ZFYVE28: variants seen among roughly 807,000 people sequenced by gnomAD.
ZFYVE28 encodes the protein zinc finger FYVE-type containing 28.
ZFYVE28 carries 40 observed loss-of-function variants against 82.1 expected under a neutral mutation model. The observed-to-expected ratio is 0.49, with a 90% CI of 0.38 to 0.63. The LOEUF (loss-of-function observed/expected upper bound fraction) is 0.63, where lower values mean the gene tolerates loss of function less well. Ranked by LOEUF, ZFYVE28 falls within the 30% of genes least tolerant of loss-of-function variation. The pLI, the probability that ZFYVE28 is intolerant of heterozygous loss-of-function variation, is 0.00. For synonymous variants in ZFYVE28, 612 were observed against 546.1 expected (o/e 1.12, Z -1.68); for missense variants, 1,321 against 1,242.1 (o/e 1.06, Z -0.96).
intron 1 of ZFYVE28, among the ~76,000 whole-genome samples, chr4:2,358,943 A>C (rs1321181372): frequency 2.7e-5 from 4 of 150,480 alleles, no homozygotes; most frequent in Non-Finnish European, 4.4e-5. Context: ...CTAGGAAGAC[A>C]GGTGGGTGCC....
chr4:2,371,986 C>A (rs977819594), intron 1 of ZFYVE28, among the ~76,000 whole-genome samples: 1 of 152,196 alleles, frequency 6.6e-6, no homozygotes, highest in African/African-American at 2.4e-5. Flanking sequence ...GGCACAGACC[C>A]CAACTATGAC....
intron 1 of ZFYVE28, among the ~76,000 whole-genome samples, chr4:2,403,743 TCA>T (rs1731454122): frequency 6.6e-6 from 1 of 151,882 alleles, no homozygotes; most frequent in Admixed American, 6.6e-5. Context: ...GGCAGGTGAA[TCA>T]CCTGAGGTCA....
chr4:2,313,852 A>G (rs1041152496), intron 7 of ZFYVE28, among the ~76,000 whole-genome samples: 1 of 151,324 alleles, frequency 6.6e-6, no homozygotes, highest in African/African-American at 2.4e-5. Context: ...CTGTCTCAAA[A>G]AAAAAAAAAA....
rs1284485543 is a variant in ZFYVE28 at position 2,335,579 on chromosome 4, C to T, written c.701+126G>A. ...GACAGCAGGCCTGCCTGTCACTGAT[C>T]GGGACAGCTGAGCGGCCACCGTGAG... On this transcript the variant is annotated intron_variant, in intron 6 of 12. Coordinates refer to ENST00000290974, the MANE Select transcript of ZFYVE28 (RefSeq NM_020972.3). This position sits in a 1 kb window ranked among gnomAD's most constrained non-coding sequence, Gnocchi z 5.8. 14 of 847,574 alleles carry T rather than the reference C, an allele frequency of 1.7e-5. No individual in the cohort carries two copies. Among genetic ancestry groups the T allele is most frequent in the Non-Finnish European group, 2.4e-5 (13 of 537,032 alleles). 52.5% of individuals were successfully genotyped at this position (847,574 alleles called of 1,614,324 possible).
rs574615731 is a variant in ZFYVE28, at chr4:2,362,551, C to T, written c.40-8478G>A. Among the ~76,000 whole-genome samples the T allele has an allele frequency of 3.3e-5, 5 of 152,262 alleles. No homozygotes were observed. Among genetic ancestry groups the T allele is most frequent in the Admixed American group, 6.5e-5 (1 of 15,308 alleles). ...CCCTCCTGTCCGCACTGAGGCCAGA[C>T]GTCCATGGGCAGCCATGACCCATGT... On this transcript the variant is annotated intron_variant, in intron 1 of 12. Coordinates refer to ENST00000290974, the MANE Select transcript of ZFYVE28 (RefSeq NM_020972.3). The surrounding 1 kb of genome is among the most constrained non-coding windows in gnomAD (Gnocchi z 5.1).
intron 8 of ZFYVE28, among the ~76,000 whole-genome samples, chr4:2,296,245 A>G (rs1314412662): frequency 6.6e-6 from 1 of 152,110 alleles, no homozygotes; most frequent in Non-Finnish European, 1.5e-5. Flanking sequence ...CCAGGCCACC[A>G]CTCAGGGCCT....
Position 2,270,414 on chromosome 4 carries a change from G to T in ZFYVE28, c.*311C>A, listed in dbSNP as rs1735806274. On this transcript the variant is annotated 3_prime_UTR_variant, in exon 13 of 13. Transcript: ENST00000290974. The stretch of plus-strand genomic sequence containing the variant: ...ACCCGCCCCGATTCCCATAGCCCCA[G>T]CAGATCTCCGAGGGACCAGTGGGAG... 1.7e-5 allele frequency: 7 copies of T among 421,462 alleles called. No individual in the cohort carries two copies. The South Asian group carries it at 1.7e-4, about 10-fold the overall frequency. The allele number at this position is 421,462 out of a possible 1,614,324, so 26.1% of individuals were successfully genotyped here.
intron 1 of ZFYVE28, among the ~76,000 whole-genome samples, chr4:2,407,746 G>A (rs759457106): frequency 3.3e-5 from 5 of 152,000 alleles, no homozygotes; most frequent in Admixed American, 1.3e-4. Flanking sequence ...GCACCACCAC[G>A]CCCAGCTAAT....
chr4:2,370,224 C>T (rs1727388303), intron 1 of ZFYVE28, among the ~76,000 whole-genome samples: 1 of 152,132 alleles, frequency 6.6e-6, no homozygotes, highest in African/African-American at 2.4e-5. Context: ...GCCCCTCTCC[C>T]ACAGCACCAC....
chr4:2,274,297 A>G, intron 8 of ZFYVE28, 81 bp from the exon 9 acceptor site: 1 of 1,519,202 alleles, frequency 6.6e-7, no homozygotes, highest in South Asian at 1.2e-5. Context: ...GGTCAAGACA[A>G]AAGTCTGTGT....
At position 2,305,430 on chromosome 4, in the gene ZFYVE28, C is replaced by T. The variant is rs1159241736; in HGVS notation, c.910G>A (p.Ala304Thr). The change falls in exon 8 of 13, where the codon GCT (alanine) becomes ACT (threonine). Residue 304 changes from alanine (A) to threonine (T), a missense_variant. Physicochemically the swap from Ala to Thr is moderately conservative, Grantham distance 58. This residue lies in a region of ZFYVE28 where 978 missense variants were observed against 833.7 expected (regional missense o/e 1.17). Coordinates refer to ENST00000290974, the MANE Select transcript of ZFYVE28 (RefSeq NM_020972.3). Reference protein sequence around the residue: ...FPIRADVQGPAALAPALSAPL... With the variant: ...FPIRADVQGPTALAPALSAPL... ...GCAGAGAGGGCAGGCGCCAGGGCAGCGGGTCCCTGCACGTCTGCGCGGATG... is the reference window on the plus strand; with the variant it reads ...GCAGAGAGGGCAGGCGCCAGGGCAGTGGGTCCCTGCACGTCTGCGCGGATG... 16 of 1,612,652 alleles carry T rather than the reference C, an allele frequency of 9.9e-6. No homozygotes were observed. Among genetic ancestry groups the T allele is most frequent in the East Asian group, 8.9e-5 (4 of 44,902 alleles).
chr4:2,348,275 G>A (rs1232614722), intron 2 of ZFYVE28, among the ~76,000 whole-genome samples: 1 of 152,152 alleles, frequency 6.6e-6, no homozygotes, highest in Non-Finnish European at 1.5e-5. Flanking sequence ...GAAATAATGT[G>A]AAAACCCTAT....
intron 6 of ZFYVE28, among the ~76,000 whole-genome samples, chr4:2,327,548 G>A (rs911623056): frequency 2.0e-5 from 3 of 151,348 alleles, no homozygotes; most frequent in Non-Finnish European, 4.4e-5. Flanking sequence ...ATTGCGTTAA[G>A]GCACATTCTT....
intron 7 of ZFYVE28, among the ~76,000 whole-genome samples, chr4:2,312,318 G>C (rs910039554): frequency 6.6e-6 from 1 of 152,142 alleles, no homozygotes; most frequent in African/African-American, 2.4e-5. Flanking sequence ...CAGGCAGATG[G>C]CTCGAGCACA....
At chr4:2,281,096 C>G (rs1711901413) in intron 8 of ZFYVE28, among the ~76,000 whole-genome samples, 1 of 152,166 alleles carries the variant, frequency 6.6e-6, no homozygotes, top group Non-Finnish European at 1.5e-5. Flanking sequence ...GCCTCCCTGC[C>G]CTGGTTGGCT....
chr4:2,389,008 T>C (rs1729553743), intron 1 of ZFYVE28, among the ~76,000 whole-genome samples: 1 of 152,044 alleles, frequency 6.6e-6, no homozygotes, highest in African/African-American at 2.4e-5. Flanking sequence ...GTGGCTGGTT[T>C]GCATTTCTAC....
intron 2 of ZFYVE28, among the ~76,000 whole-genome samples, chr4:2,350,290 C>T (rs886082255): frequency 7.2e-5 from 11 of 151,770 alleles, no homozygotes; most frequent in African/African-American, 2.2e-4. Context: ...TGGTGAAACC[C>T]CATCTCTACT....
intron 8 of ZFYVE28, among the ~76,000 whole-genome samples, chr4:2,301,781 G>A (rs1175136839): frequency 6.6e-6 from 1 of 152,218 alleles, no homozygotes; most frequent in African/African-American, 2.4e-5. Flanking sequence ...TCCATTGCCA[G>A]TGAACTGGGT....
rs1179101749 is a variant in ZFYVE28 at position 2,327,301 on chromosome 4, TATATATATCG to T, written c.702-7040_702-7031del. Among the ~76,000 whole-genome samples, 68 of 81,542 alleles carry T rather than the reference TATATATATCG, an allele frequency of 8.3e-4. 4 individuals are homozygous for T. The highest frequency in any genetic ancestry group is 3.0e-3 in the African/African-American group (63 of 21,112). 53.5% of individuals were successfully genotyped at this position (81,542 alleles called of 152,430 possible). A position where few individuals can be genotyped will look rare whatever the true frequency, so the allele number is the denominator to read the frequency against. Reference sequence around the variant, plus strand: ...ATATATATATATATATATATATATATATATATATCGAATAAAGTTGCCATCAAACAGTAAC... The same window carrying T: ...ATATATATATATATATATATATATATAATAAAGTTGCCATCAAACAGTAAC... On this transcript the variant is annotated intron_variant, in intron 6 of 12. Transcript: ENST00000290974.
Sources: allele counts gnomAD v4.1 joint callset (sites outside exome capture counted in the v4.1 genomes callset), GRCh38; gene constraint gnomAD v4.1.1; regional missense constraint gnomAD v4.1.1; non-coding constraint Gnocchi (gnomAD v3.1); transcripts MANE v1.5; gene names NCBI Gene and HGNC (gene_info 2026-07-23, HGNC 2026-07-21).